The following GALNT13 variants were observed in gnomAD, a reference collection of about 807,000 sequenced individuals.
The protein encoded by GALNT13 is UDP-GalNAc:polypeptide N-acetylgalactosaminyltransferase 13.
Under a neutral mutation model 64.2 loss-of-function variants are expected in GALNT13, and 28 were observed. The ratio of observed to expected loss-of-function variants is 0.44; its 90% confidence interval spans 0.32 to 0.60. GALNT13 has a LOEUF of 0.60. Among genes scored for constraint, GALNT13 ranks in the 20% least tolerant of loss-of-function variants. The probability of loss-of-function intolerance (pLI) is 0.05; values close to 1 mark genes in which losing one functional copy is unlikely to be tolerated. For missense variants in GALNT13, 577 were observed against 669.8 expected, an observed-to-expected ratio of 0.86 and a Z score of 1.53; for synonymous variants, 214 against 224.6, an observed-to-expected ratio of 0.95 and a Z score of 0.42.
At chr2:154,242,642 C>T in intron 5 of GALNT13, 56 bp from the exon 6 acceptor site, 1 of 1,135,882 alleles carries the variant, frequency 8.8e-7, no homozygotes, top group Admixed American at 1.9e-5. Flanking sequence ...AGTATCTCTG[C>T]TATTTCTTAA....
At chr2:153,305,483 T>C in the GALNT13 span, among the ~76,000 whole-genome samples, 4 of 152,290 alleles carry the variant, frequency 2.6e-5, no homozygotes, top group East Asian at 5.8e-4. Context: ...ATGATACCAA[T>C]CTCTGAACTG....
At chr2:153,524,472 T>G in the GALNT13 span, among the ~76,000 whole-genome samples, 1 of 152,100 alleles carries the variant, frequency 6.6e-6, no homozygotes, top group Non-Finnish European at 1.5e-5. Context: ...AGTGCATGGC[T>G]TTAGCTTCAT....
chr2:153,469,061 T>A, the GALNT13 span, among the ~76,000 whole-genome samples: 3 of 152,256 alleles, frequency 2.0e-5, no homozygotes, highest in Non-Finnish European at 2.9e-5. Context: ...AAGTTATTTG[T>A]TTTCGTAAAG....
chr2:153,872,692 TCCAAGC>T (rs1686060826), intron 1 of GALNT13, among the ~76,000 whole-genome samples: 1 of 144,212 alleles, frequency 6.9e-6, no homozygotes, highest in South Asian at 2.3e-4. Context: ...TGGCTCGGCC[TCCAAGC>T]CCAGACAACT....
At chr2:153,383,084 C>G in the GALNT13 span, among the ~76,000 whole-genome samples, 2 of 152,062 alleles carry the variant, frequency 1.3e-5, no homozygotes, top group East Asian at 3.9e-4. Flanking sequence ...GGAATGTGTT[C>G]AAATGTTCAG....
At chr2:153,753,073 C>T in the GALNT13 span, among the ~76,000 whole-genome samples, 2 of 152,204 alleles carry the variant, frequency 1.3e-5, no homozygotes, top group African/African-American at 4.8e-5. Flanking sequence ...CATTTTTTAG[C>T]TCCCGAATTT....
the GALNT13 span, among the ~76,000 whole-genome samples, chr2:153,514,121 T>G: frequency 6.6e-6 from 1 of 152,198 alleles, no homozygotes; most frequent in Non-Finnish European, 1.5e-5. Context: ...TAGTCTTTCT[T>G]AACACTTTTA....
At chr2:153,436,471 G>A in the GALNT13 span, among the ~76,000 whole-genome samples, 2 of 152,062 alleles carry the variant, frequency 1.3e-5, no homozygotes, top group Non-Finnish European at 1.5e-5. Flanking sequence ...ACTTTTTTTG[G>A]TTGGTAAGCT....
intron 9 of GALNT13, among the ~76,000 whole-genome samples, chr2:154,356,049 G>A (rs1306163019): frequency 2.0e-5 from 3 of 151,930 alleles, no homozygotes; most frequent in Admixed American, 2.0e-4. Flanking sequence ...GTCTGATATT[G>A]CTAAGCCTCT....
At chr2:153,104,929 A>G in the GALNT13 span, among the ~76,000 whole-genome samples, 1 of 151,826 alleles carries the variant, frequency 6.6e-6, no homozygotes. Flanking sequence ...GTACATGTGC[A>G]CAATGTGCAG....
intron 10 of GALNT13, among the ~76,000 whole-genome samples, chr2:154,406,817 A>T (rs1699565845): frequency 6.6e-6 from 1 of 152,180 alleles, no homozygotes; most frequent in Non-Finnish European, 1.5e-5. Flanking sequence ...CTGTCTCCTC[A>T]GCACCTCAGG....
intron 3 of GALNT13, among the ~76,000 whole-genome samples, chr2:153,945,268 G>A (rs1574173517): frequency 6.6e-6 from 1 of 152,106 alleles, no homozygotes; most frequent in African/African-American, 2.4e-5. Context: ...TAATTTGTAT[G>A]AATGGTTATT....
At chr2:153,282,538 C>T in the GALNT13 span, among the ~76,000 whole-genome samples, 1 of 152,142 alleles carries the variant, frequency 6.6e-6, no homozygotes, top group African/African-American at 2.4e-5. Context: ...CTTCAGCCTC[C>T]CAACTACCTG....
chr2:153,092,452 T>G, the GALNT13 span, among the ~76,000 whole-genome samples: 1 of 152,190 alleles, frequency 6.6e-6, no homozygotes, highest in Admixed American at 6.5e-5. Context: ...TTTAACAAGA[T>G]TCATGCTTCC....
the GALNT13 span, among the ~76,000 whole-genome samples, chr2:153,508,074 C>T: frequency 6.6e-6 from 1 of 152,262 alleles, no homozygotes; most frequent in South Asian, 2.1e-4. Context: ...GTGGAGGCAG[C>T]AGGGGAGTGA....
chr2:153,100,209 A>T, the GALNT13 span, among the ~76,000 whole-genome samples: 1 of 152,208 alleles, frequency 6.6e-6, no homozygotes, highest in African/African-American at 2.4e-5. Flanking sequence ...ACCAAAACAA[A>T]AACCAAAACT....
chr2:153,362,553 C>CAAAAAAAAAAAAAAAAAA, the GALNT13 span, among the ~76,000 whole-genome samples: 3 of 80,318 alleles, frequency 3.7e-5, no homozygotes, highest in African/African-American at 5.2e-5. Context: ...AAATGGAGAG[C>CAAAAAAAAAAAAAAAAAA]AAAAAAAAAA....
chr2:154,312,831 T>A (rs552253640), intron 9 of GALNT13, among the ~76,000 whole-genome samples: 7 of 152,156 alleles, frequency 4.6e-5, no homozygotes, highest in Non-Finnish European at 1.0e-4. Context: ...GAATCAGATA[T>A]CTTTCCTTAT....
At chr2:153,697,693 G>A in the GALNT13 span, among the ~76,000 whole-genome samples, 1 of 152,166 alleles carries the variant, frequency 6.6e-6, no homozygotes, top group Non-Finnish European at 1.5e-5. Context: ...AGAGGTAATG[G>A]GGTAGAAGCG....
Sources: allele counts gnomAD v4.1 joint callset (sites outside exome capture counted in the v4.1 genomes callset), GRCh38; gene constraint gnomAD v4.1.1; transcripts MANE v1.5; gene names NCBI Gene and HGNC (gene_info 2026-07-23, HGNC 2026-07-21).